Variants in SCFD2 observed in about 807,000 individuals in gnomAD.
The protein encoded by SCFD2 is sec1 family domain containing 2.
In SCFD2, 54 loss-of-function variants were observed where a neutral mutation model predicts 58.9. The observed-to-expected ratio is 0.92, with a 90% CI of 0.74 to 1.15. The LOEUF is 1.15. Ranked by LOEUF, SCFD2 falls within the 50% of genes most tolerant of loss-of-function variation. SCFD2 has a pLI of 0.00. For synonymous variants in SCFD2, 321 were observed against 335.9 expected (o/e 0.96, Z 0.49); for missense variants, 805 against 836.6 (o/e 0.96, Z 0.47).
intron 4 of SCFD2, among the ~76,000 whole-genome samples, chr4:53,180,480 T>A (rs1401205478): frequency 1.3e-5 from 2 of 151,722 alleles, no homozygotes; most frequent in Non-Finnish European, 2.9e-5. Context: ...CATACCAGAA[T>A]CTCTGGGACA....
At chr4:53,160,040 G>T (rs1383352597) in intron 4 of SCFD2, among the ~76,000 whole-genome samples, 1 of 152,212 alleles carries the variant, frequency 6.6e-6, no homozygotes, top group Non-Finnish European at 1.5e-5. Context: ...TGGAACTATG[G>T]CATGGGCTTC....
At chr4:53,072,808 C>CCCT (rs777129088) in intron 5 of SCFD2, among the ~76,000 whole-genome samples, 29,503 of 152,082 alleles carry the variant, frequency 0.19, 3,450 homozygotes, top group Non-Finnish European at 0.27. Context: ...CTCTTTCTTT[C>CCCT]ACCTAGTAAA....
chr4:53,138,191 A>C (rs1726000850), intron 5 of SCFD2, among the ~76,000 whole-genome samples: 2 of 152,170 alleles, frequency 1.3e-5, no homozygotes, highest in Non-Finnish European at 2.9e-5. Flanking sequence ...ACATCATTTT[A>C]TTCTCAGCAA....
intron 5 of SCFD2, among the ~76,000 whole-genome samples, chr4:52,978,341 C>G (rs748073893): frequency 6.6e-6 from 1 of 152,168 alleles, no homozygotes; most frequent in Non-Finnish European, 1.5e-5. Flanking sequence ...TGATGCTACT[C>G]TCTGATGACC....
chr4:53,046,974 A>G (rs1723057574), intron 5 of SCFD2, among the ~76,000 whole-genome samples: 1 of 152,112 alleles, frequency 6.6e-6, no homozygotes, highest in African/African-American at 2.4e-5. Flanking sequence ...GCCCGACCAA[A>G]GCTATGTGTT....
At chr4:53,003,001 T>A (rs1277424150) in intron 5 of SCFD2, among the ~76,000 whole-genome samples, 1 of 152,140 alleles carries the variant, frequency 6.6e-6, no homozygotes, top group Admixed American at 6.5e-5. Flanking sequence ...GACAATTCAC[T>A]CGCTCACTAT....
chr4:53,203,794 A>T (rs1728324292), intron 4 of SCFD2, among the ~76,000 whole-genome samples: 1 of 152,104 alleles, frequency 6.6e-6, no homozygotes, highest in African/African-American at 2.4e-5. Context: ...AATTAATAAC[A>T]CATGGGATAA....
intron 5 of SCFD2, among the ~76,000 whole-genome samples, chr4:53,114,368 C>T (rs917903270): frequency 3.9e-5 from 6 of 152,170 alleles, no homozygotes; most frequent in South Asian, 2.1e-4. Context: ...TCCATCTTTT[C>T]GCCCCCACTG....
At chr4:53,072,260 G>T (rs1723837436) in intron 5 of SCFD2, among the ~76,000 whole-genome samples, 1 of 152,164 alleles carries the variant, frequency 6.6e-6, no homozygotes, top group South Asian at 2.1e-4. Context: ...ACAGGAGCTA[G>T]AAATAACTTA....
chr4:53,352,741 G>A lies in SCFD2; in HGVS notation c.864C>T (p.Asn288=), dbSNP rs1228067843. ...GTGCTGAAATGATCTTCTCTACTAA[G>A]TTGTCTCCATGATGTCCAACTGCTC... ...LTGAVGHHGD[N]LVEKIISALP... is the part of the protein sequence containing the mutation. The change falls in exon 2 of 9, where the codon AAC becomes AAT. Residue 288 remains asparagine, a synonymous_variant. Transcript: ENST00000401642. The A allele has an allele frequency of 6.2e-7, 1 of 1,614,094 alleles. No individual in the cohort carries two copies. The highest frequency in any genetic ancestry group is 1.3e-5 in the African/African-American group (1 of 75,022).
chr4:52,881,434 T>G (rs1189085159), intron 8 of SCFD2, among the ~76,000 whole-genome samples: 2 of 152,212 alleles, frequency 1.3e-5, no homozygotes, highest in African/African-American at 4.8e-5. Flanking sequence ...TGCTTCCATG[T>G]TTATTGTCAG....
chr4:53,005,980 A>C (rs1262633469), intron 5 of SCFD2, among the ~76,000 whole-genome samples: 1 of 152,200 alleles, frequency 6.6e-6, no homozygotes, highest in African/African-American at 2.4e-5. Context: ...AGGGGGACCC[A>C]GCACTGTGTG....
At chr4:53,182,104 T>G (rs1480194525) in intron 4 of SCFD2, among the ~76,000 whole-genome samples, 1 of 152,082 alleles carries the variant, frequency 6.6e-6, no homozygotes, top group Non-Finnish European at 1.5e-5. Flanking sequence ...TTCAATGCCA[T>G]CCCCATCAAG....
chr4:52,886,934 C>T (rs1272474060), intron 7 of SCFD2, among the ~76,000 whole-genome samples: 1 of 152,224 alleles, frequency 6.6e-6, no homozygotes, highest in African/African-American at 2.4e-5. Context: ...TTCTTTGTTG[C>T]ATGGCTCTGT....
chr4:52,916,433 G>T lies in SCFD2; in HGVS notation c.1707+4292C>A, dbSNP rs1420862138. 3.9e-5 allele frequency among the ~76,000 whole-genome samples: 6 copies of T among 152,238 alleles called. No individual in the cohort carries two copies. The East Asian group carries it at 1.2e-3, about 29-fold the overall frequency. On this transcript the variant is annotated intron_variant, in intron 6 of 8. Coordinates refer to ENST00000401642, the MANE Select transcript of SCFD2 (RefSeq NM_152540.4). ...AAAAATACAAAAACAATGTAGCTGG[G>T]CATGATGGCGCGCGCCTGTAGTCCC...
chr4:53,183,579 C>A (rs576677698), intron 4 of SCFD2, among the ~76,000 whole-genome samples: 2 of 151,854 alleles, frequency 1.3e-5, no homozygotes, highest in African/African-American at 4.8e-5. Flanking sequence ...GTGCAGCACA[C>A]CAACATGGCA....
In SCFD2 at chr4:53,365,197, C is replaced by T; in HGVS notation, c.745G>A (p.Asp249Asn). The change falls in exon 1 of 9, where the codon GAT (aspartate) becomes AAT (asparagine). Residue 249 changes from aspartate (D) to asparagine (N), a missense_variant. Asp to Asn is a conservative substitution (Grantham distance 23). Transcript: ENST00000401642. The surrounding 1 kb of genome is among the most constrained non-coding windows in gnomAD (Gnocchi z 4.3). The stretch of plus-strand genomic sequence containing the variant: ...TTTGCAGGGGCATAATTGGCCAGAT[C>T]CGCAGCGATGACCTGACTTAAGGAA... ...VGSLSQVIAA[D>N]LANYAPAKNR... is the part of the protein sequence containing the mutation. The T allele has an allele frequency of 6.2e-7, 1 of 1,614,190 alleles. No individual in the cohort carries two copies. Among genetic ancestry groups the T allele is most frequent in the Middle Eastern group, 1.6e-4 (1 of 6,062 alleles).
chr4:53,223,423 A>G (rs552202768), intron 4 of SCFD2, among the ~76,000 whole-genome samples: 1 of 152,310 alleles, frequency 6.6e-6, no homozygotes, highest in African/African-American at 2.4e-5. Flanking sequence ...TATCTCTGGA[A>G]TGTAATTCTT....
Position 53,107,797 on chromosome 4 carries a change from G to C in SCFD2, c.1561+37536C>G, listed in dbSNP as rs1166658522. On this transcript the variant is annotated intron_variant, in intron 5 of 8. Coordinates refer to ENST00000401642, the MANE Select transcript of SCFD2 (RefSeq NM_152540.4). ...TAGTGGAAGACTTTAACACCCCACT[G>C]TCAATATTAGACAGATGAATGAGAC... Among the ~76,000 whole-genome samples, 10 of 152,168 alleles carry C rather than the reference G, an allele frequency of 6.6e-5. No individual in the cohort carries two copies. The East Asian group carries it at 1.9e-3, about 29-fold the overall frequency.
Sources: gnomAD v4.1 joint callset for allele counts (sites outside exome capture counted in the v4.1 genomes callset) on GRCh38, gnomAD v4.1.1 for gene constraint, Gnocchi (gnomAD v3.1) non-coding constraint, MANE v1.5 for transcripts, NCBI Gene and HGNC (gene_info 2026-07-23, HGNC 2026-07-21) for gene names.